LRP1B: variants seen among roughly 807,000 people sequenced by gnomAD.
LRP1B encodes the protein low-density lipoprotein receptor-related protein 1B.
A neutral mutation model predicts 556.6 loss-of-function variants in LRP1B; 217 were observed. The observed-to-expected ratio is 0.39, with a 90% confidence interval of 0.35 to 0.44. The LOEUF is 0.44. LRP1B is among the 20% of genes least tolerant of loss of function. The probability of loss-of-function intolerance (pLI) is 1.00; values close to 1 mark genes in which losing one functional copy is unlikely to be tolerated. For synonymous variants in LRP1B, 2,047 were observed against 1,865.8 expected (o/e 1.10, Z -2.50); for missense variants, 5,053 against 5,620.8 (o/e 0.90, Z 3.23).
At chr2:140,993,399 A>G (rs966060837) in intron 16 of LRP1B, among the ~76,000 whole-genome samples, 12 of 152,064 alleles carry the variant, frequency 7.9e-5, no homozygotes, top group Admixed American at 4.6e-4. Context: ...TATTTTGCCT[A>G]CTAGCAACAT....
In LRP1B at chr2:140,840,093, CAA is replaced by C; in HGVS notation, c.5115-10_5115-9del. On this transcript the variant is annotated splice_polypyrimidine_tract_variant and intron_variant, in intron 30 of 90. Transcript: ENST00000389484. ...TCGGTCCAGTAGAGTTTTCTTAATTCAAAAGACATATGGATTGAAAATATTAG... is the reference window on the plus strand; with the variant it reads ...TCGGTCCAGTAGAGTTTTCTTAATTCAAGACATATGGATTGAAAATATTAG... 1 of 1,543,138 alleles carries C rather than the reference CAA, an allele frequency of 6.5e-7. No homozygotes were observed. Among genetic ancestry groups the C allele is most frequent in the Non-Finnish European group, 8.9e-7 (1 of 1,125,954 alleles).
At chr2:142,003,677 C>T (rs1272275387) in intron 1 of LRP1B, among the ~76,000 whole-genome samples, 3 of 152,154 alleles carry the variant, frequency 2.0e-5, no homozygotes, top group African/African-American at 2.4e-5. Flanking sequence ...AATGGAAGAA[C>T]GAGGGTAGAT....
At chr2:141,396,090 T>A (rs1690228907) in intron 3 of LRP1B, among the ~76,000 whole-genome samples, 1 of 152,222 alleles carries the variant, frequency 6.6e-6, no homozygotes, top group Non-Finnish European at 1.5e-5. Flanking sequence ...CAAAAGAATA[T>A]CTGCATTTGC....
intron 1 of LRP1B, among the ~76,000 whole-genome samples, chr2:141,975,704 C>T (rs1304649967): frequency 6.6e-6 from 1 of 152,026 alleles, no homozygotes; most frequent in East Asian, 1.9e-4. Context: ...AGGCATTAAA[C>T]TGTGGTGAGT....
intron 1 of LRP1B, among the ~76,000 whole-genome samples, chr2:142,069,278 T>C (rs1705225769): frequency 6.6e-6 from 1 of 151,698 alleles, no homozygotes; most frequent in South Asian, 2.1e-4. Context: ...CTATAAATTC[T>C]TCCCTCTGGT....
intron 37 of LRP1B, among the ~76,000 whole-genome samples, chr2:140,705,772 A>C (rs1402584489): frequency 6.6e-6 from 1 of 152,128 alleles, no homozygotes; most frequent in African/African-American, 2.4e-5. Flanking sequence ...TGTGGAAAAC[A>C]GTAGTGATTA....
intron 7 of LRP1B, among the ~76,000 whole-genome samples, chr2:141,153,531 T>A (rs192043540): frequency 7.8e-6 from 1 of 127,792 alleles, no homozygotes; most frequent in Non-Finnish European, 1.6e-5. Context: ...TATATATTTA[T>A]ATATAATATA....
chr2:142,075,499 T>C (rs1266061826), intron 1 of LRP1B, among the ~76,000 whole-genome samples: 1 of 152,088 alleles, frequency 6.6e-6, no homozygotes, highest in Admixed American at 6.6e-5. Flanking sequence ...CAACTTCATA[T>C]AAGGTGCTTA....
At chr2:140,811,606 A>G (rs1690927677) in intron 32 of LRP1B, among the ~76,000 whole-genome samples, 3 of 152,190 alleles carry the variant, frequency 2.0e-5, no homozygotes, top group African/African-American at 7.2e-5. Flanking sequence ...TTTTGAAAAC[A>G]TAATGTGGGT....
intron 2 of LRP1B, among the ~76,000 whole-genome samples, chr2:141,788,741 A>G (rs909064669): frequency 8.0e-6 from 1 of 124,296 alleles, no homozygotes; most frequent in Non-Finnish European, 1.6e-5. Flanking sequence ...TCCTGTGTCC[A>G]TGTGTTCTCA....
intron 32 of LRP1B, among the ~76,000 whole-genome samples, chr2:140,809,239 ATT>A (rs918659142): frequency 2.0e-5 from 3 of 151,776 alleles, no homozygotes; most frequent in African/African-American, 4.8e-5. Flanking sequence ...TTTGCATGGT[ATT>A]TTTTTAAAAA....
chr2:141,406,840 G>A (rs1031817104), intron 3 of LRP1B, among the ~76,000 whole-genome samples: 2 of 152,010 alleles, frequency 1.3e-5, no homozygotes, highest in African/African-American at 4.8e-5. Context: ...TATTTGTTCA[G>A]ATATTTATAT....
intron 17 of LRP1B, among the ~76,000 whole-genome samples, chr2:140,986,277 A>G (rs374976994): frequency 3.3e-5 from 5 of 152,168 alleles, no homozygotes; most frequent in East Asian, 3.9e-4. Context: ...GGACATTTCA[A>G]TTGTTTCAGT....
At chr2:140,835,664 A>G (rs1213312362) in intron 31 of LRP1B, among the ~76,000 whole-genome samples, 2 of 151,886 alleles carry the variant, frequency 1.3e-5, no homozygotes, top group Non-Finnish European at 2.9e-5. Flanking sequence ...CAGCCTCCCA[A>G]GTAACTGGGA....
At chr2:142,010,571 A>G (rs1227711866) in intron 1 of LRP1B, among the ~76,000 whole-genome samples, 5 of 149,588 alleles carry the variant, frequency 3.3e-5, no homozygotes, top group South Asian at 4.2e-4. Flanking sequence ...AAAAAAAAAA[A>G]AAAAAAAAGA....
intron 2 of LRP1B, among the ~76,000 whole-genome samples, chr2:141,556,475 T>C (rs187793112): frequency 2.6e-5 from 4 of 152,080 alleles, no homozygotes; most frequent in African/African-American, 7.2e-5. Context: ...ATTCACCATC[T>C]GCATGATACT....
intron 1 of LRP1B, among the ~76,000 whole-genome samples, chr2:142,030,578 G>A (rs1703658349): frequency 6.6e-6 from 1 of 151,900 alleles, no homozygotes; most frequent in African/African-American, 2.4e-5. Flanking sequence ...AGCTTTACCA[G>A]TATAAGCTTT....
At chr2:141,650,649 C>T (rs1343964348) in intron 2 of LRP1B, among the ~76,000 whole-genome samples, 1 of 151,946 alleles carries the variant, frequency 6.6e-6, no homozygotes, top group African/African-American at 2.4e-5. Context: ...TTAATGAGAA[C>T]GTAGTGCAAA....
At chr2:141,186,078 CAAA>C (rs386391364) in intron 7 of LRP1B, among the ~76,000 whole-genome samples, 17 of 77,612 alleles carry the variant, frequency 2.2e-4, no homozygotes, top group African/African-American at 7.0e-4. Context: ...GACTCTGTCT[CAAA>C]AAAAAAAAAA....
Sources: allele counts gnomAD v4.1 joint callset (sites outside exome capture counted in the v4.1 genomes callset), GRCh38; gene constraint gnomAD v4.1.1; transcripts MANE v1.5; gene names NCBI Gene and HGNC (gene_info 2026-07-23, HGNC 2026-07-21).